The following PLCG1 variants were observed in gnomAD, a reference collection of about 807,000 sequenced individuals.
PLCG1 encodes 1-phosphatidylinositol 4,5-bisphosphate phosphodiesterase gamma-1.
Under a neutral mutation model 177.8 loss-of-function variants are expected in PLCG1, and 71 were observed. That is an observed-to-expected ratio of 0.40 (90% CI 0.33 to 0.49). The LOEUF (loss-of-function observed/expected upper bound fraction) is 0.49. PLCG1 is among the 20% of genes least tolerant of loss of function. The probability of loss-of-function intolerance (pLI) is 0.72; values close to 1 mark genes in which losing one functional copy is unlikely to be tolerated. For missense variants in PLCG1, 1,281 were observed against 1,709.0 expected (o/e 0.75, Z 4.42); for synonymous variants, 658 against 647.9 (o/e 1.02, Z -0.24).
At position 41,150,076 on chromosome 20, in the gene PLCG1, C is replaced by G. The variant is rs2035119355; in HGVS notation, c.218-9530C>G. Among the ~76,000 whole-genome samples, 1 of 152,162 alleles carries G rather than the reference C, an allele frequency of 6.6e-6. No individual in the cohort carries two copies. Among genetic ancestry groups the G allele is most frequent in the Admixed American group, 6.5e-5 (1 of 15,288 alleles). On this transcript the variant is annotated intron_variant, in intron 1 of 31. Coordinates refer to ENST00000685551, the MANE Select transcript of PLCG1 (RefSeq NM_002660.3). The surrounding 1 kb of genome is among the most constrained non-coding windows in gnomAD (Gnocchi z 4.0). ...CGTTGTGGTTTGCCTGTAGTCCCAG[C>G]TACCTGAAAGGCCAAGGTGGGAGGA...
In PLCG1 at chr20:41,148,941, C is replaced by T. The variant is rs2035079130; in HGVS notation, c.218-10665C>T. ...CCACCTTAGGTAAGTTAATTAACCT[C>T]TTTGTGCTCAATTTCCTCACTCGGG... is the stretch of plus-strand genomic sequence containing the variant. On this transcript the variant is annotated intron_variant, in intron 1 of 31. Coordinates refer to ENST00000685551, the MANE Select transcript of PLCG1 (RefSeq NM_002660.3). This position sits in a 1 kb window ranked among gnomAD's most constrained non-coding sequence, Gnocchi z 4.3. Among the ~76,000 whole-genome samples, 1 of 152,220 alleles carries T rather than the reference C, an allele frequency of 6.6e-6. No individual in the cohort carries two copies. Among genetic ancestry groups the T allele is most frequent in the South Asian group, 2.1e-4 (1 of 4,830 alleles).
In PLCG1 at chr20:41,172,297, C is replaced by T. The variant is rs1464051687; in HGVS notation, c.2905+8C>T. 3.1e-6 allele frequency: 5 copies of T among 1,608,544 alleles called. No homozygotes were observed. The South Asian group carries it at 4.4e-5, about 14-fold the overall frequency. On this transcript the variant is annotated splice_region_variant and intron_variant, in intron 25 of 31. Coordinates refer to ENST00000685551, the MANE Select transcript of PLCG1 (RefSeq NM_002660.3). This position sits in a 1 kb window ranked among gnomAD's most constrained non-coding sequence, Gnocchi z 7.0. ...TTCCCTTTGATGAAGAGAGTAAGGG[C>T]CAGGGCCCAGGCGGGGTGTGCATGT...
At chr20:41,161,436 G>A (rs1383688646) in intron 4 of PLCG1, among the ~76,000 whole-genome samples, 1 of 152,184 alleles carries the variant, frequency 6.6e-6, no homozygotes, top group African/African-American at 2.4e-5. Context: ...TTTGGTGGAA[G>A]AAGTAACAAG....
chr20:41,148,444 T>G lies in PLCG1; in HGVS notation c.217+10586T>G, dbSNP rs973214576. Among the ~76,000 whole-genome samples the G allele has an allele frequency of 6.6e-5, 10 of 151,948 alleles. No homozygotes were observed. The highest frequency in any genetic ancestry group is 1.5e-4 in the Non-Finnish European group (10 of 67,998). On this transcript the variant is annotated intron_variant, in intron 1 of 31. Coordinates refer to ENST00000685551, the MANE Select transcript of PLCG1 (RefSeq NM_002660.3). The surrounding 1 kb of genome is among the most constrained non-coding windows in gnomAD (Gnocchi z 4.3). ...ATTTTTATTTCTTCTCCCAACCCAT[T>G]CCATTTCCTCTCCCTTGTGAGAGGG... is the stretch of plus-strand genomic sequence containing the variant.
At chr20:41,169,774 T>C (rs547621067) in intron 23 of PLCG1, 1 of 576,704 alleles carries the variant, frequency 1.7e-6, no homozygotes, top group African/African-American at 1.9e-5. Context: ...ACAAAGTTGA[T>C]GCTGCTGGTT....
In PLCG1 at chr20:41,159,518, G is replaced by A; in HGVS notation, c.218-88G>A. 1.4e-6 allele frequency: 2 copies of A among 1,384,460 alleles called. No homozygotes were observed. 85.8% of individuals were successfully genotyped at this position (1,384,460 alleles called of 1,614,324 possible). A position where few individuals can be genotyped will look rare whatever the true frequency, so the allele number is the denominator to read the frequency against. On this transcript the variant is annotated intron_variant, in intron 1 of 31. Transcript: ENST00000685551. This position sits in a 1 kb window ranked among gnomAD's most constrained non-coding sequence, Gnocchi z 6.0. Reference sequence around the variant, plus strand: ...CTGGGGTTCCTCCCTGAGAGAGAGTGTAAGAATGAGGAAACCAGGCTGCCC... The same window carrying A: ...CTGGGGTTCCTCCCTGAGAGAGAGTATAAGAATGAGGAAACCAGGCTGCCC...
intron 1 of PLCG1, among the ~76,000 whole-genome samples, chr20:41,143,257 C>T (rs996609485): frequency 6.6e-6 from 1 of 152,224 alleles, no homozygotes; most frequent in African/African-American, 2.4e-5. Flanking sequence ...CTGTGTCAGT[C>T]TCCGTTAACT....
rs35218306 is a variant in PLCG1, at chr20:41,161,645, C to T, written c.513-807C>T. Among the ~76,000 whole-genome samples the T allele has an allele frequency of 7.8e-3, 1,183 of 152,176 alleles. 11 individuals carry two copies. The highest frequency in any genetic ancestry group is 0.027 in the African/African-American group (1,121 of 41,492). On this transcript the variant is annotated intron_variant, in intron 4 of 31. Transcript: ENST00000685551. ...GCAGTGCTTGATCCACTCAGTGTGG[C>T]GCTCAGCCCCCTCGGGGAATTTTGG...
At chr20:41,162,298 C>A in intron 4 of PLCG1, 154 bp from the exon 5 acceptor site, 4 of 329,822 alleles carry the variant, frequency 1.2e-5, no homozygotes, top group East Asian at 8.1e-5. Flanking sequence ...AAGGGACTAA[C>A]CTCACCCCAT....
intron 1 of PLCG1, among the ~76,000 whole-genome samples, chr20:41,139,496 C>G (rs1568721342): frequency 6.6e-6 from 1 of 152,156 alleles, no homozygotes; most frequent in Non-Finnish European, 1.5e-5. Context: ...TGGTTGATGG[C>G]AAGTCTGGAT....
rs899853274 is a variant in PLCG1, at chr20:41,168,000, T to C, written c.2379+71T>C. The stretch of plus-strand genomic sequence containing the variant: ...GCTGCTTGGGGCTTCATTTCTGTGT[T>C]CTGGGCCATCTGTGGTCTTTGTGGA... On this transcript the variant is annotated intron_variant, in intron 20 of 31. Transcript: ENST00000685551. The surrounding 1 kb of genome is among the most constrained non-coding windows in gnomAD (Gnocchi z 4.4). 5 of 1,014,326 alleles carry C rather than the reference T, an allele frequency of 4.9e-6. No homozygotes were observed. The highest frequency in any genetic ancestry group is 1.6e-5 in the African/African-American group (1 of 63,558). 62.8% of individuals were successfully genotyped at this position (1,014,326 alleles called of 1,614,324 possible).
At chr20:41,169,931 G>A (rs1055252352) in intron 23 of PLCG1, among the ~76,000 whole-genome samples, 181 bp from the exon 24 acceptor site, 2 of 152,304 alleles carry the variant, frequency 1.3e-5, no homozygotes, top group South Asian at 2.1e-4. Context: ...GCAGTGACTT[G>A]TTTGAGTTGT....
In PLCG1 at chr20:41,159,108, G is replaced by A. The variant is rs1381544700; in HGVS notation, c.218-498G>A. ...GATTAGGCCCCTTGCTGAGACTTGT[G>A]TGGGGATGGCTTTAGCAGTTAGGCA... On this transcript the variant is annotated intron_variant, in intron 1 of 31. Transcript: ENST00000685551. This position sits in a 1 kb window ranked among gnomAD's most constrained non-coding sequence, Gnocchi z 6.0. Among the ~76,000 whole-genome samples, 1 of 152,202 alleles carries A rather than the reference G, an allele frequency of 6.6e-6. No homozygotes were observed. Among genetic ancestry groups the A allele is most frequent in the Non-Finnish European group, 1.5e-5 (1 of 68,036 alleles).
chr20:41,147,864 A>G lies in PLCG1; in HGVS notation c.217+10006A>G, dbSNP rs1367479222. Among the ~76,000 whole-genome samples the G allele has an allele frequency of 1.3e-5, 2 of 151,946 alleles. No homozygotes were observed. The highest frequency in any genetic ancestry group is 2.9e-5 in the Non-Finnish European group (2 of 67,998). On this transcript the variant is annotated intron_variant, in intron 1 of 31. Coordinates refer to ENST00000685551, the MANE Select transcript of PLCG1 (RefSeq NM_002660.3). The surrounding 1 kb of genome is among the most constrained non-coding windows in gnomAD (Gnocchi z 4.0). ...CTCTGTCTCTTTAAAAAAAAAAAAA[A>G]ATTTAAGCTGGGCTTTCTGGGCAGG... is the stretch of plus-strand genomic sequence containing the variant.
intron 1 of PLCG1, among the ~76,000 whole-genome samples, chr20:41,149,513 G>A (rs1375617990): frequency 6.6e-6 from 1 of 152,230 alleles, no homozygotes; most frequent in East Asian, 1.9e-4. Context: ...AGAGAGAGAA[G>A]ACAGTGTTTG....
In PLCG1 at chr20:41,167,621, A is replaced by AT; in HGVS notation, c.2302-227dup. On this transcript the variant is annotated intron_variant, in intron 19 of 31. Transcript: ENST00000685551. This position sits in a 1 kb window ranked among gnomAD's most constrained non-coding sequence, Gnocchi z 4.4. ...AGTTTGGGCATTTAGGACCTGAGAG[A>AT]TTTTAGAATCCTGGGCTGGGCCTTA... 1.8e-6 allele frequency: 1 copy of AT among 554,822 alleles called. No individual in the cohort carries two copies. The highest frequency in any genetic ancestry group is 3.2e-6 in the Non-Finnish European group (1 of 310,714). 34.4% of individuals were successfully genotyped at this position (554,822 alleles called of 1,614,324 possible).
Position 41,155,137 on chromosome 20 carries a change from T to TA in PLCG1, c.218-4468dup, listed in dbSNP as rs576155999. 1.7e-3 allele frequency among the ~76,000 whole-genome samples: 252 copies of TA among 152,350 alleles called. 2 individuals carry two copies. The highest frequency in any genetic ancestry group is 2.8e-3 in the Non-Finnish European group (191 of 68,028). ...CTTCCCAGTCTCCCTGGCCTCGTCA[T>TA]ATAACCTTTTATTTTACAAATTCAG... On this transcript the variant is annotated intron_variant, in intron 1 of 31. Coordinates refer to ENST00000685551, the MANE Select transcript of PLCG1 (RefSeq NM_002660.3).
In PLCG1 at chr20:41,175,081, C is replaced by T. The variant is rs1476622515; in HGVS notation, c.*572C>T. ...AGGAGGAGGACACAGCACAAGGGCACATTGCCCATGGCTGGGAACATGACC... is the reference window on the plus strand; with the variant it reads ...AGGAGGAGGACACAGCACAAGGGCATATTGCCCATGGCTGGGAACATGACC... On this transcript the variant is annotated 3_prime_UTR_variant, in exon 32 of 32. Transcript: ENST00000685551. The T allele has an allele frequency of 6.5e-6, 1 of 153,726 alleles. No homozygotes were observed. Among genetic ancestry groups the T allele is most frequent in the Non-Finnish European group, 1.5e-5 (1 of 68,916 alleles). 9.5% of individuals were successfully genotyped at this position (153,726 alleles called of 1,614,324 possible). A position where few individuals can be genotyped will look rare whatever the true frequency, so the allele number is the denominator to read the frequency against.
chr20:41,145,838 C>T (rs182006191), intron 1 of PLCG1, among the ~76,000 whole-genome samples: 102 of 152,322 alleles, frequency 6.7e-4, no homozygotes, highest in African/African-American at 2.3e-3. Context: ...TCTCTACTTG[C>T]ATTCCTGGCT....
Sources: allele counts gnomAD v4.1 joint callset (sites outside exome capture counted in the v4.1 genomes callset), GRCh38; gene constraint gnomAD v4.1.1; non-coding constraint Gnocchi (gnomAD v3.1); transcripts MANE v1.5; gene names NCBI Gene and HGNC (gene_info 2026-07-23, HGNC 2026-07-21).